The following LHFPL6 variants were observed in gnomAD, a reference collection of about 807,000 sequenced individuals.
The protein encoded by LHFPL6 is LHFPL tetraspan subfamily member 6 protein.
Under a neutral mutation model 20.6 loss-of-function variants are expected in LHFPL6, and 9 were observed. That is an observed-to-expected ratio of 0.44 (90% CI 0.26 to 0.76). LHFPL6 has a LOEUF of 0.76. Among genes scored for constraint, LHFPL6 ranks in the 30% least tolerant of loss-of-function variants. The probability of loss-of-function intolerance (pLI) is 0.20; values close to 1 mark genes in which losing one functional copy is unlikely to be tolerated. For synonymous variants in LHFPL6, 105 were observed against 98.7 expected (o/e 1.06, Z -0.38); for missense variants, 218 against 253.5 (o/e 0.86, Z 0.95).
At chr13:39,587,576 C>A (rs139820016) in intron 2 of LHFPL6, among the ~76,000 whole-genome samples, 1 of 152,030 alleles carries the variant, frequency 6.6e-6, no homozygotes, top group African/African-American at 2.4e-5. Context: ...GCCTTGGCAG[C>A]AGTATGAATT....
chr13:39,437,786 C>G (rs903907522), intron 2 of LHFPL6, among the ~76,000 whole-genome samples: 2 of 151,780 alleles, frequency 1.3e-5, no homozygotes, highest in Non-Finnish European at 2.9e-5. Context: ...CCTGTAGTCC[C>G]AGCTACTTGG....
At chr13:39,494,798 G>T (rs1388351689) in intron 2 of LHFPL6, among the ~76,000 whole-genome samples, 1 of 152,192 alleles carries the variant, frequency 6.6e-6, no homozygotes, top group Non-Finnish European at 1.5e-5. Context: ...ATAGTCACAA[G>T]AGAATAGAAT....
At chr13:39,381,436 A>G (rs1266539753) in intron 2 of LHFPL6, among the ~76,000 whole-genome samples, 2 of 151,966 alleles carry the variant, frequency 1.3e-5, no homozygotes. Context: ...TTTAACAATC[A>G]CCCACTTTCT....
At chr13:39,386,375 T>C (rs1212856078) in intron 2 of LHFPL6, among the ~76,000 whole-genome samples, 1 of 152,006 alleles carries the variant, frequency 6.6e-6, no homozygotes, top group African/African-American at 2.4e-5. Context: ...CATTCTTTAG[T>C]CTACAAAAAA....
At chr13:39,526,375 T>C (rs1226179370) in intron 2 of LHFPL6, among the ~76,000 whole-genome samples, 5 of 152,230 alleles carry the variant, frequency 3.3e-5, no homozygotes, top group Non-Finnish European at 5.9e-5. Flanking sequence ...CTCGTTTTTG[T>C]ACCAGAAAGA....
chr13:39,454,720 T>TG (rs900256075), intron 2 of LHFPL6, among the ~76,000 whole-genome samples: 1 of 152,082 alleles, frequency 6.6e-6, no homozygotes, highest in Non-Finnish European at 1.5e-5. Context: ...GGTCTTTTGG[T>TG]AATTCCATTT....
chr13:39,482,877 T>C (rs977054455), intron 2 of LHFPL6, among the ~76,000 whole-genome samples: 2 of 152,128 alleles, frequency 1.3e-5, no homozygotes, highest in Non-Finnish European at 2.9e-5. Context: ...GATACAGGAC[T>C]CAAGTGGAGG....
chr13:39,579,215 A>C (rs533162686), intron 2 of LHFPL6, among the ~76,000 whole-genome samples: 1 of 152,292 alleles, frequency 6.6e-6, no homozygotes, highest in African/African-American at 2.4e-5. Context: ...GCTGCATAGG[A>C]GTGAGGCAGG....
chr13:39,428,964 G>A (rs1871717795), intron 2 of LHFPL6, among the ~76,000 whole-genome samples: 1 of 152,052 alleles, frequency 6.6e-6, no homozygotes, highest in Non-Finnish European at 1.5e-5. Context: ...TCCAAATAAT[G>A]CAGTACTTTT....
At chr13:39,548,647 T>G (rs964047382) in intron 2 of LHFPL6, among the ~76,000 whole-genome samples, 2 of 152,064 alleles carry the variant, frequency 1.3e-5, no homozygotes, top group African/African-American at 4.8e-5. Flanking sequence ...CTATGGTGCA[T>G]GTTAAGGCAG....
chr13:39,343,466 G>T lies in LHFPL6; in HGVS notation c.*470C>A. On this transcript the variant is annotated 3_prime_UTR_variant, in exon 4 of 4. Transcript: ENST00000379589. The stretch of plus-strand genomic sequence containing the variant: ...GTGCTTGTGTGCTTTTGGGAGTGCC[G>T]TGACCTACAGGGAACATCTTTGGGG... 1 of 232,530 alleles carries T rather than the reference G, an allele frequency of 4.3e-6. No individual in the cohort carries two copies. The highest frequency in any genetic ancestry group is 1.8e-4 in the South Asian group (1 of 5,524). The allele number at this position is 232,530 out of a possible 1,614,324, so 14.4% of individuals were successfully genotyped here.
chr13:39,435,345 G>A (rs1475490810), intron 2 of LHFPL6, among the ~76,000 whole-genome samples: 1 of 152,198 alleles, frequency 6.6e-6, no homozygotes, highest in Non-Finnish European at 1.5e-5. Flanking sequence ...TGCCATTGTT[G>A]CCAATGGTAA....
chr13:39,387,028 T>G (rs1381158491), intron 2 of LHFPL6, among the ~76,000 whole-genome samples: 2 of 152,204 alleles, frequency 1.3e-5, no homozygotes, highest in Non-Finnish European at 2.9e-5. Flanking sequence ...GCTGCTATTT[T>G]GATGCACTCT....
chr13:39,389,305 AGT>A (rs1355559054), intron 2 of LHFPL6, among the ~76,000 whole-genome samples: 5 of 152,194 alleles, frequency 3.3e-5, no homozygotes, highest in African/African-American at 1.2e-4. Context: ...AGAAAGGAAG[AGT>A]GAGCTTGTGG....
intron 1 of LHFPL6, 94 bp from the exon 2 acceptor site, chr13:39,601,484 T>G: frequency 3.0e-6 from 1 of 332,342 alleles, no homozygotes; most frequent in East Asian, 4.4e-5. Context: ...TAATAAACAT[T>G]GAGACTTGCC....
At chr13:39,469,700 G>A (rs950073119) in intron 2 of LHFPL6, among the ~76,000 whole-genome samples, 1 of 152,200 alleles carries the variant, frequency 6.6e-6, no homozygotes, top group Non-Finnish European at 1.5e-5. Context: ...GGTTTTGATT[G>A]ACCAAGTAAG....
chr13:39,471,105 AG>A (rs1277290534), intron 2 of LHFPL6, among the ~76,000 whole-genome samples: 1 of 152,216 alleles, frequency 6.6e-6, no homozygotes, highest in Non-Finnish European at 1.5e-5. Flanking sequence ...ACCATCATGC[AG>A]TTATGGTAGA....
Position 39,457,882 on chromosome 13 carries a change from A to G in LHFPL6, c.386-79356T>C, listed in dbSNP as rs9788343. Among the ~76,000 whole-genome samples the G allele has an allele frequency of 8.9e-3, 1,353 of 152,364 alleles. 62 individuals carry two copies. In the East Asian group the frequency reaches 0.097, roughly 11 times the overall value. ...CCACTGCCTGTTCATATAGAAAAGA[A>G]CATAGAAAATGGCCACAGAGTAACA... is the stretch of plus-strand genomic sequence containing the variant. On this transcript the variant is annotated intron_variant, in intron 2 of 3. Coordinates refer to ENST00000379589, the MANE Select transcript of LHFPL6 (RefSeq NM_005780.3).
chr13:39,443,825 A>G (rs1377079632), intron 2 of LHFPL6, among the ~76,000 whole-genome samples: 3 of 151,530 alleles, frequency 2.0e-5, no homozygotes, highest in African/African-American at 4.9e-5. Context: ...TTCACTTTCA[A>G]TATAGCATTC....
Sources: allele counts gnomAD v4.1 joint callset (sites outside exome capture counted in the v4.1 genomes callset), GRCh38; gene constraint gnomAD v4.1.1; transcripts MANE v1.5; gene names NCBI Gene and HGNC (gene_info 2026-07-23, HGNC 2026-07-21).